CAMTA1: variants seen among roughly 807,000 people sequenced by gnomAD.
CAMTA1 encodes the protein calmodulin binding transcription activator 1.
CAMTA1 carries 27 observed loss-of-function variants against 170.9 expected under a neutral mutation model. The observed-to-expected ratio is 0.16, with a 90% confidence interval of 0.12 to 0.22. The LOEUF is 0.22. Ranked by LOEUF, CAMTA1 falls within the 10% of genes least tolerant of loss-of-function variation. The probability of loss-of-function intolerance (pLI) is 1.00; values close to 1 mark genes in which losing one functional copy is unlikely to be tolerated. For missense variants in CAMTA1, 1,619 were observed against 2,217.2 expected, an observed-to-expected ratio of 0.73 and a Z score of 5.42; for synonymous variants, 833 against 891.5, an observed-to-expected ratio of 0.93 and a Z score of 1.17.
chr1:7,448,242 G>C (rs984006655), intron 5 of CAMTA1, among the ~76,000 whole-genome samples: 3 of 152,154 alleles, frequency 2.0e-5, no homozygotes, highest in African/African-American at 7.2e-5. Context: ...TGGAGTGGGG[G>C]GGCTCTCCCC....
intron 7 of CAMTA1, among the ~76,000 whole-genome samples, chr1:7,647,003 G>A (rs1405959613): frequency 6.6e-6 from 1 of 152,192 alleles, no homozygotes; most frequent in African/African-American, 2.4e-5. Flanking sequence ...CCAGTACCGG[G>A]CCTCGGATGG....
intron 3 of CAMTA1, among the ~76,000 whole-genome samples, chr1:6,861,518 A>G (rs17441830): frequency 0.084 from 12,788 of 152,304 alleles, 749 homozygotes; most frequent in Non-Finnish European, 0.13. Flanking sequence ...CCTTGAGGTC[A>G]GAAACCACTG....
At position 7,679,660 on chromosome 1, in the gene CAMTA1, G is replaced by A. The variant is rs550550255; in HGVS notation, c.2914+1927G>A. 5.3e-5 allele frequency among the ~76,000 whole-genome samples: 8 copies of A among 152,120 alleles called. No individual in the cohort carries two copies. The South Asian group carries it at 1.7e-3, about 32-fold the overall frequency. On this transcript the variant is annotated intron_variant, in intron 11 of 22. Coordinates refer to ENST00000303635, the MANE Select transcript of CAMTA1 (RefSeq NM_015215.4). ...CCCTGCACCTGCAGGATACACAGGA[G>A]GGTGACAGGAATTGGGGCGGCGATG... is the stretch of plus-strand genomic sequence containing the variant.
chr1:6,887,800 A>G lies in CAMTA1; in HGVS notation c.234+62590A>G. On this transcript the variant is annotated intron_variant, in intron 3 of 22. Coordinates refer to ENST00000303635, the MANE Select transcript of CAMTA1 (RefSeq NM_015215.4). This position sits in a 1 kb window ranked among gnomAD's most constrained non-coding sequence, Gnocchi z 4.1. Reference sequence around the variant, plus strand: ...TGCCAGCCCCATGTCTGGCTTTAAGACAGTTCTATTAGTGAATTAACTGTT... The same window carrying G: ...TGCCAGCCCCATGTCTGGCTTTAAGGCAGTTCTATTAGTGAATTAACTGTT... The G allele has an allele frequency of 6.6e-7, 1 of 1,520,674 alleles. No individual in the cohort carries two copies. Among genetic ancestry groups the G allele is most frequent in the Non-Finnish European group, 8.8e-7 (1 of 1,140,320 alleles). The allele number at this position is 1,520,674 out of a possible 1,614,324, so 94.2% of individuals were successfully genotyped here. A position where few individuals can be genotyped will look rare whatever the true frequency, so the allele number is the denominator to read the frequency against.
At chr1:7,270,242 C>CATATAT (rs1558335898) in intron 5 of CAMTA1, among the ~76,000 whole-genome samples, 1 of 39,006 alleles carries the variant, frequency 2.6e-5, no homozygotes, top group Non-Finnish European at 5.0e-5. Flanking sequence ...CACATATATA[C>CATATAT]ATACACACAC....
At chr1:6,907,551 T>G (rs1678803302) in intron 3 of CAMTA1, among the ~76,000 whole-genome samples, 1 of 152,162 alleles carries the variant, frequency 6.6e-6, no homozygotes, top group South Asian at 2.1e-4. Context: ...TCTATGACCT[T>G]CAGTGAGCCA....
At chr1:7,533,405 G>T (rs910286852) in intron 6 of CAMTA1, among the ~76,000 whole-genome samples, 3 of 152,226 alleles carry the variant, frequency 2.0e-5, no homozygotes, top group African/African-American at 7.2e-5. Flanking sequence ...GCTGAAGAAG[G>T]GCTGGGTCCT....
intron 3 of CAMTA1, among the ~76,000 whole-genome samples, chr1:6,831,135 A>G (rs906874267): frequency 6.6e-6 from 1 of 152,164 alleles, no homozygotes; most frequent in Non-Finnish European, 1.5e-5. Context: ...TTTGATTCTT[A>G]ATGACTATTA....
At chr1:7,574,415 C>T (rs956696135) in intron 6 of CAMTA1, among the ~76,000 whole-genome samples, 23 of 152,196 alleles carry the variant, frequency 1.5e-4, no homozygotes, top group Admixed American at 1.2e-3. Context: ...TTGGGGAACA[C>T]GTGGCACCTC....
At position 6,851,417 on chromosome 1, in the gene CAMTA1, A is replaced by G. The variant is rs1397322317; in HGVS notation, c.234+26207A>G. On this transcript the variant is annotated intron_variant, in intron 3 of 22. Transcript: ENST00000303635. The stretch of plus-strand genomic sequence containing the variant: ...GAGTGAGTCTTAGGGATTCTGTGGA[A>G]AGGTCTAACCAACATGTAATTGAAA... 4.6e-5 allele frequency among the ~76,000 whole-genome samples: 7 copies of G among 152,244 alleles called. No individual in the cohort carries two copies. In the East Asian group the frequency reaches 1.3e-3, roughly 29 times the overall value.
At chr1:7,458,194 T>A (rs1341982860) in intron 5 of CAMTA1, among the ~76,000 whole-genome samples, 1 of 152,142 alleles carries the variant, frequency 6.6e-6, no homozygotes, top group African/African-American at 2.4e-5. Context: ...GGCCACCTGG[T>A]CCCCTGTGTC....
chr1:7,199,093 G>A (rs143651264), intron 4 of CAMTA1, among the ~76,000 whole-genome samples: 2 of 152,182 alleles, frequency 1.3e-5, no homozygotes, highest in Non-Finnish European at 2.9e-5. Context: ...GGAGGTTTGC[G>A]CGGCACGTGG....
chr1:7,127,569 C>T (rs893566547), intron 4 of CAMTA1, among the ~76,000 whole-genome samples: 3 of 152,138 alleles, frequency 2.0e-5, no homozygotes, highest in African/African-American at 7.2e-5. Flanking sequence ...CCAGCCTCTT[C>T]GCATTCATTC....
At chr1:6,958,717 C>T (rs1358105916) in intron 3 of CAMTA1, among the ~76,000 whole-genome samples, 3 of 152,198 alleles carry the variant, frequency 2.0e-5, no homozygotes, top group Admixed American at 1.3e-4. Flanking sequence ...TGCAGCTTCC[C>T]GAGCTGTCAC....
At chr1:7,061,357 AT>A (rs1348075973) in intron 3 of CAMTA1, among the ~76,000 whole-genome samples, 9 of 152,174 alleles carry the variant, frequency 5.9e-5, no homozygotes, top group Non-Finnish European at 1.0e-4. Flanking sequence ...ACAGTTGCTA[AT>A]CCGTTGAAAT....
chr1:7,345,324 T>G (rs996073484), intron 5 of CAMTA1, among the ~76,000 whole-genome samples: 2 of 152,216 alleles, frequency 1.3e-5, no homozygotes, highest in Non-Finnish European at 2.9e-5. Flanking sequence ...TATTCAGCAT[T>G]ATTTTCCTAA....
At chr1:7,365,126 A>G (rs1368930426) in intron 5 of CAMTA1, among the ~76,000 whole-genome samples, 1 of 152,234 alleles carries the variant, frequency 6.6e-6, no homozygotes, top group Non-Finnish European at 1.5e-5. Flanking sequence ...GGACCCCATG[A>G]GGACCAACCT....
chr1:6,911,618 A>T (rs1333482192), intron 3 of CAMTA1, among the ~76,000 whole-genome samples: 1 of 152,146 alleles, frequency 6.6e-6, no homozygotes, highest in Non-Finnish European at 1.5e-5. Context: ...AGACAGGTAG[A>T]CCTTCATAGG....
At chr1:7,156,125 A>G (rs928870680) in intron 4 of CAMTA1, among the ~76,000 whole-genome samples, 1 of 140,918 alleles carries the variant, frequency 7.1e-6, no homozygotes, top group Non-Finnish European at 1.6e-5. Context: ...AATACAAAAA[A>G]AAAATAGCCA....
Sources: gnomAD v4.1 joint callset for allele counts (sites outside exome capture counted in the v4.1 genomes callset) on GRCh38, gnomAD v4.1.1 for gene constraint, Gnocchi (gnomAD v3.1) non-coding constraint, MANE v1.5 for transcripts, NCBI Gene and HGNC (gene_info 2026-07-23, HGNC 2026-07-21) for gene names.